CFAP77: variants seen among roughly 807,000 people sequenced by gnomAD.
CFAP77 encodes cilia- and flagella-associated protein 77.
A neutral mutation model predicts 31.1 loss-of-function variants in CFAP77; 25 were observed. The observed-to-expected ratio is 0.80, with a 90% CI of 0.59 to 1.12. The LOEUF (loss-of-function observed/expected upper bound fraction) is 1.12. Ranked by LOEUF, CFAP77 falls within the 50% of genes most tolerant of loss-of-function variation. The pLI is 0.00. For synonymous variants in CFAP77, 151 were observed against 159.9 expected, an observed-to-expected ratio of 0.94 and a Z score of 0.42; for missense variants, 377 against 397.3, an observed-to-expected ratio of 0.95 and a Z score of 0.44.
chr9:132,537,531 C>A (rs992534336), intron 3 of CFAP77, 70 bp from the exon 4 acceptor site: 1 of 1,138,618 alleles, frequency 8.8e-7, no homozygotes, highest in Non-Finnish European at 1.3e-6. Flanking sequence ...CTCCCGGGGG[C>A]GGGCGGTGGG....
rs1852875249 is a variant in CFAP77, at chr9:132,554,936, CCACCCAT to C, written c.732+11891_732+11897del. Among the ~76,000 whole-genome samples, 6 of 126,826 alleles carry C rather than the reference CCACCCAT, an allele frequency of 4.7e-5. No homozygotes were observed. The highest frequency in any genetic ancestry group is 1.6e-4 in the Admixed American group (2 of 12,600). 83.2% of individuals were successfully genotyped at this position (126,826 alleles called of 152,430 possible). On this transcript the variant is annotated intron_variant, in intron 5 of 5. Transcript: ENST00000393216. The surrounding 1 kb of genome is among the most constrained non-coding windows in gnomAD (Gnocchi z 4.1). Reference sequence around the variant, plus strand: ...TGCATGCATGCATGCATCCATCCATCCACCCATCCATCCATCCATCCATCCATCCATC... The same window carrying C: ...TGCATGCATGCATGCATCCATCCATCCCATCCATCCATCCATCCATCCATC...
rs553562480 is a variant in CFAP77 at position 132,498,256 on chromosome 9, G to T, written c.196-439G>T. Among the ~76,000 whole-genome samples, 1 of 152,196 alleles carries T rather than the reference G, an allele frequency of 6.6e-6. No individual in the cohort carries two copies. Among genetic ancestry groups the T allele is most frequent in the East Asian group, 1.9e-4 (1 of 5,184 alleles). ...GTGACAATGGTTTGAGTGGTCCCTG[G>T]TATGAGGAAGGTGGGAATGAAGGTA... On this transcript the variant is annotated intron_variant, in intron 1 of 5. Transcript: ENST00000393216. This position sits in a 1 kb window ranked among gnomAD's most constrained non-coding sequence, Gnocchi z 4.2.
intron 3 of CFAP77, among the ~76,000 whole-genome samples, chr9:132,533,584 A>G (rs1050756095): frequency 1.3e-5 from 2 of 152,086 alleles, no homozygotes; most frequent in African/African-American, 2.4e-5. Flanking sequence ...GTTTTTTTCT[A>G]TTGAAAGTAA....
At chr9:132,516,784 A>C (rs1852154391) in intron 3 of CFAP77, among the ~76,000 whole-genome samples, 1 of 152,142 alleles carries the variant, frequency 6.6e-6, no homozygotes, top group Admixed American at 6.6e-5. Context: ...GTGAATCTAC[A>C]ATGATCTCCA....
rs1554738885 is a variant in CFAP77, at chr9:132,458,354, G to GC, written c.196-40341_196-40340insC. 5.0e-3 allele frequency among the ~76,000 whole-genome samples: 723 copies of GC among 143,850 alleles called. 18 individuals carry two copies. The highest frequency in any genetic ancestry group is 0.017 in the African/African-American group (671 of 38,722). 94.4% of individuals were successfully genotyped at this position (143,850 alleles called of 152,430 possible). A position where few individuals can be genotyped will look rare whatever the true frequency, so the allele number is the denominator to read the frequency against. On this transcript the variant is annotated intron_variant, in intron 1 of 5. Transcript: ENST00000393216. ...TTTGTCTCCCTGGCGGGGGAGGGGG[G>GC]GGGGTGTGTATGGAAGGCTCAGCTC...
chr9:132,507,790 A>G (rs1851958238), intron 3 of CFAP77, among the ~76,000 whole-genome samples: 1 of 152,148 alleles, frequency 6.6e-6, no homozygotes, highest in African/African-American at 2.4e-5. Context: ...CCACGTCTGC[A>G]TTTATTGGTG....
intron 1 of CFAP77, among the ~76,000 whole-genome samples, chr9:132,439,651 C>T (rs1410436167): frequency 6.6e-6 from 1 of 151,924 alleles, no homozygotes; most frequent in Non-Finnish European, 1.5e-5. Flanking sequence ...TCGAGACCAT[C>T]CTGGCTAACA....
intron 3 of CFAP77, among the ~76,000 whole-genome samples, chr9:132,506,079 G>A (rs1851926710): frequency 6.6e-6 from 1 of 152,238 alleles, no homozygotes; most frequent in Admixed American, 6.5e-5. Flanking sequence ...GCGTTACGGT[G>A]CAGAGCCCGG....
chr9:132,571,149 C>T (rs559193024), intron 5 of CFAP77, among the ~76,000 whole-genome samples: 10 of 152,280 alleles, frequency 6.6e-5, no homozygotes, highest in Non-Finnish European at 1.2e-4. Flanking sequence ...CCTGGATTCT[C>T]GACAAGCACC....
chr9:132,559,017 A>G (rs550606772), intron 5 of CFAP77, among the ~76,000 whole-genome samples: 1 of 151,888 alleles, frequency 6.6e-6, no homozygotes, highest in East Asian at 1.9e-4. Flanking sequence ...CTGTCTCAAA[A>G]AAAAAAATCA....
chr9:132,446,637 A>G (rs1850722931), intron 1 of CFAP77, among the ~76,000 whole-genome samples: 1 of 149,030 alleles, frequency 6.7e-6, no homozygotes. Context: ...GCTACTTGGG[A>G]GGCTGAGGCA....
chr9:132,451,195 G>A (rs185009550), intron 1 of CFAP77, among the ~76,000 whole-genome samples: 9 of 152,102 alleles, frequency 5.9e-5, no homozygotes, highest in Admixed American at 2.6e-4. Flanking sequence ...AAAATTAGCC[G>A]GGCATGGTGG....
At position 132,561,642 on chromosome 9, in the gene CFAP77, CA is replaced by C. The variant is rs1383782985; in HGVS notation, c.733-10745del. Among the ~76,000 whole-genome samples, 482 of 109,838 alleles carry C rather than the reference CA, an allele frequency of 4.4e-3. 4 individuals are homozygous for C. Among genetic ancestry groups the C allele is most frequent in the African/African-American group, 0.026 (457 of 17,258 alleles). 72.1% of individuals were successfully genotyped at this position (109,838 alleles called of 152,430 possible). A position where few individuals can be genotyped will look rare whatever the true frequency, so the allele number is the denominator to read the frequency against. On this transcript the variant is annotated intron_variant, in intron 5 of 5. Transcript: ENST00000393216. ...ACACACACACACACACACACACACA[CA>C]CACACACACACACACACACCCCCTC... is the stretch of plus-strand genomic sequence containing the variant.
rs1851776582 is a variant in CFAP77, at chr9:132,498,223, G to A, written c.196-472G>A. ...GGATTCGAGGAAGTGACTCCCTCATGTGCTACAGTGACAATGGTTTGAGTG... is the reference window on the plus strand; with the variant it reads ...GGATTCGAGGAAGTGACTCCCTCATATGCTACAGTGACAATGGTTTGAGTG... On this transcript the variant is annotated intron_variant, in intron 1 of 5. Coordinates refer to ENST00000393216, the MANE Select transcript of CFAP77 (RefSeq NM_001282957.2). This position sits in a 1 kb window ranked among gnomAD's most constrained non-coding sequence, Gnocchi z 4.2. Among the ~76,000 whole-genome samples the A allele has an allele frequency of 6.6e-6, 1 of 152,124 alleles. No homozygotes were observed. The highest frequency in any genetic ancestry group is 1.5e-5 in the Non-Finnish European group (1 of 68,026).
rs1294073207 is a variant in CFAP77 at position 132,545,816 on chromosome 9, G to T, written c.732+2769G>T. 2.0e-5 allele frequency among the ~76,000 whole-genome samples: 3 copies of T among 152,192 alleles called. No individual in the cohort carries two copies. The highest frequency in any genetic ancestry group is 7.2e-5 in the African/African-American group (3 of 41,442). On this transcript the variant is annotated intron_variant, in intron 5 of 5. Coordinates refer to ENST00000393216, the MANE Select transcript of CFAP77 (RefSeq NM_001282957.2). This position sits in a 1 kb window ranked among gnomAD's most constrained non-coding sequence, Gnocchi z 4.6. Reference sequence around the variant, plus strand: ...TGGAAACTGAGGCTTGGAGAGGTGAGAAGTGGAGTCTGGGTCCAATCTGGG... The same window carrying T: ...TGGAAACTGAGGCTTGGAGAGGTGATAAGTGGAGTCTGGGTCCAATCTGGG...
chr9:132,549,239 C>G (rs1282874296), intron 5 of CFAP77, among the ~76,000 whole-genome samples: 1 of 152,176 alleles, frequency 6.6e-6, no homozygotes. Context: ...GAAGATGGGC[C>G]GACCCCCACA....
chr9:132,479,263 C>A (rs1407543769), intron 1 of CFAP77, among the ~76,000 whole-genome samples: 1 of 152,186 alleles, frequency 6.6e-6, no homozygotes, highest in African/African-American at 2.4e-5. Flanking sequence ...ACCCCTCATG[C>A]CCAGCTCACA....
chr9:132,413,074 A>T lies in CFAP77; in HGVS notation c.195+2608A>T, dbSNP rs138367626. Among the ~76,000 whole-genome samples, 351 of 152,230 alleles carry T rather than the reference A, an allele frequency of 2.3e-3. 1 individual carries two copies. Among genetic ancestry groups the T allele is most frequent in the African/African-American group, 7.2e-3 (300 of 41,522 alleles). Reference sequence around the variant, plus strand: ...AAGGTGTGCATTGGAAGACTATAGCACCTTAGAAATAGGCATTTATTCTAC... The same window carrying T: ...AAGGTGTGCATTGGAAGACTATAGCTCCTTAGAAATAGGCATTTATTCTAC... On this transcript the variant is annotated intron_variant, in intron 1 of 5. Coordinates refer to ENST00000393216, the MANE Select transcript of CFAP77 (RefSeq NM_001282957.2).
chr9:132,465,023 A>G (rs975215383), intron 1 of CFAP77, among the ~76,000 whole-genome samples: 1 of 149,942 alleles, frequency 6.7e-6, no homozygotes, highest in African/African-American at 2.5e-5. Flanking sequence ...GCAGTGAGCC[A>G]AGATTGTGCC....
Sources: allele counts gnomAD v4.1 joint callset (sites outside exome capture counted in the v4.1 genomes callset), GRCh38; gene constraint gnomAD v4.1.1; non-coding constraint Gnocchi (gnomAD v3.1); transcripts MANE v1.5; gene names NCBI Gene and HGNC (gene_info 2026-07-23, HGNC 2026-07-21).